GLIS3: variants seen among roughly 807,000 people sequenced by gnomAD.
The protein encoded by GLIS3 is zinc finger protein GLIS3.
In GLIS3, 53 loss-of-function variants were observed where a neutral mutation model predicts 78.6. The ratio of observed to expected loss-of-function variants is 0.67; its 90% CI spans 0.54 to 0.85. The LOEUF (loss-of-function observed/expected upper bound fraction) is 0.85. Ranked by LOEUF, GLIS3 falls within the 40% of genes least tolerant of loss-of-function variation. GLIS3 has a pLI of 0.00. For missense variants in GLIS3, 1,703 were observed against 1,231.1 expected (o/e 1.38, Z -5.74); for synonymous variants, 684 against 509.9 (o/e 1.34, Z -4.60).
chr9:4,429,283 C>G, the GLIS3 span, among the ~76,000 whole-genome samples: 2 of 152,164 alleles, frequency 1.3e-5, no homozygotes, highest in Non-Finnish European at 2.9e-5. Context: ...ACCTGCAATG[C>G]CATTTGGCCC....
chr9:3,988,812 G>A (rs1450085175), intron 4 of GLIS3, among the ~76,000 whole-genome samples: 1 of 151,848 alleles, frequency 6.6e-6, no homozygotes, highest in African/African-American at 2.4e-5. Context: ...ACAACTTTCA[G>A]GGAAAAAAAA....
intron 4 of GLIS3, among the ~76,000 whole-genome samples, chr9:4,049,892 A>G (rs867159219): frequency 8.6e-5 from 13 of 152,020 alleles, no homozygotes; most frequent in African/African-American, 3.1e-4. Flanking sequence ...TCAAAACCAC[A>G]ATGAGATACC....
chr9:4,487,847 C>G, the GLIS3 span, among the ~76,000 whole-genome samples: 1 of 152,038 alleles, frequency 6.6e-6, no homozygotes, highest in African/African-American at 2.4e-5. Flanking sequence ...GCCATCATGG[C>G]CAGATTATTA....
At chr9:3,976,072 C>G (rs966696751) in intron 4 of GLIS3, among the ~76,000 whole-genome samples, 2 of 152,138 alleles carry the variant, frequency 1.3e-5, no homozygotes, top group African/African-American at 2.4e-5. Flanking sequence ...TCAGGGAAAT[C>G]AGGCACATTT....
intron 2 of GLIS3, among the ~76,000 whole-genome samples, chr9:4,160,939 G>C (rs932322842): frequency 6.6e-6 from 1 of 152,194 alleles, no homozygotes; most frequent in East Asian, 1.9e-4. Context: ...TTTTATGAAA[G>C]TCAAATTTTA....
intron 2 of GLIS3, among the ~76,000 whole-genome samples, chr9:4,200,652 G>C (rs985914603): frequency 4.0e-5 from 6 of 151,760 alleles, no homozygotes; most frequent in African/African-American, 1.5e-4. Flanking sequence ...TTCCAAAATT[G>C]AATCAGAAAA....
chr9:3,916,600 C>T (rs752839668), intron 6 of GLIS3, among the ~76,000 whole-genome samples: 4 of 152,172 alleles, frequency 2.6e-5, no homozygotes, highest in African/African-American at 4.8e-5. Flanking sequence ...AAAATTGCAG[C>T]GCTGCATGGT....
At chr9:4,322,509 C>T (rs1009680705) in intron 2 of GLIS3, among the ~76,000 whole-genome samples, 1 of 152,142 alleles carries the variant, frequency 6.6e-6, no homozygotes, top group Non-Finnish European at 1.5e-5. Flanking sequence ...CTAGTTTACA[C>T]TCCCACCAAT....
In GLIS3 at chr9:4,176,114, C is replaced by CCCCT. The variant is rs566730903; in HGVS notation, c.389-50177_389-50174dup. Among the ~76,000 whole-genome samples, 20 of 152,252 alleles carry CCCCT rather than the reference C, an allele frequency of 1.3e-4. No individual in the cohort carries two copies. In the East Asian group the frequency reaches 2.3e-3, roughly 18 times the overall value. On this transcript the variant is annotated intron_variant, in intron 2 of 10. Transcript: ENST00000381971. ...CATGCAGTGAAAGGCAGGCTCTAGC[C>CCCCT]CCCTCCTCATTCCTGGATTCTATCA...
chr9:3,879,597 T>G lies in GLIS3; in HGVS notation c.2129-2A>C. 1 of 1,613,876 alleles carries G rather than the reference T, an allele frequency of 6.2e-7. No individual in the cohort carries two copies. Among genetic ancestry groups the G allele is most frequent in the Non-Finnish European group, 8.5e-7 (1 of 1,179,924 alleles). On this transcript the variant is annotated splice_acceptor_variant, in intron 7 of 10. Coordinates refer to ENST00000381971, the MANE Select transcript of GLIS3 (RefSeq NM_001042413.2). LOFTEE classifies it high-confidence loss of function. ...AATAATTGCTGGAGAAAATGGGAGC[T>G]GAAATCAAGGGAGAACAAACATGAG...
At chr9:4,194,983 G>C (rs1056612166) in intron 2 of GLIS3, among the ~76,000 whole-genome samples, 58 of 152,334 alleles carry the variant, frequency 3.8e-4, no homozygotes, top group Non-Finnish European at 8.8e-5. Flanking sequence ...AGGCATTTTA[G>C]TCTCAGCCCA....
At chr9:4,090,078 T>C (rs1482243274) in intron 4 of GLIS3, among the ~76,000 whole-genome samples, 2 of 152,140 alleles carry the variant, frequency 1.3e-5, no homozygotes, top group African/African-American at 4.8e-5. Flanking sequence ...GGGGGTATGA[T>C]TCCTATTCCC....
chr9:4,397,453 A>G, the GLIS3 span, among the ~76,000 whole-genome samples: 1 of 151,674 alleles, frequency 6.6e-6, no homozygotes, highest in African/African-American at 2.4e-5. Context: ...GTACAGTCAG[A>G]ATACTCAACA....
At chr9:4,063,915 T>C (rs886765498) in intron 4 of GLIS3, among the ~76,000 whole-genome samples, 2 of 152,162 alleles carry the variant, frequency 1.3e-5, no homozygotes, top group Admixed American at 1.3e-4. Flanking sequence ...CTGAAAAAAG[T>C]GAAATCATAA....
chr9:4,432,257 G>A, the GLIS3 span, among the ~76,000 whole-genome samples: 1 of 152,214 alleles, frequency 6.6e-6, no homozygotes, highest in Non-Finnish European at 1.5e-5. Context: ...ATTTTTAAAT[G>A]ATAAAGTACC....
intron 2 of GLIS3, among the ~76,000 whole-genome samples, chr9:4,322,995 G>C (rs12002820): frequency 0.068 from 10,368 of 152,178 alleles, 1,169 homozygotes; most frequent in African/African-American, 0.23. Flanking sequence ...CCATGCCTAT[G>C]TCCTGAATGG....
chr9:4,050,790 C>G (rs1245035088), intron 4 of GLIS3, among the ~76,000 whole-genome samples: 1 of 152,032 alleles, frequency 6.6e-6, no homozygotes, highest in South Asian at 2.1e-4. Flanking sequence ...AAGTCACTGG[C>G]ATCACTTTTA....
chr9:4,099,956 T>C (rs1480688075), intron 4 of GLIS3, among the ~76,000 whole-genome samples: 2 of 152,232 alleles, frequency 1.3e-5, no homozygotes, highest in African/African-American at 2.4e-5. Context: ...AATTCTCTCA[T>C]GTAATTTCTC....
the GLIS3 span, among the ~76,000 whole-genome samples, chr9:4,379,440 G>T: frequency 6.6e-6 from 1 of 152,218 alleles, no homozygotes; most frequent in Non-Finnish European, 1.5e-5. Flanking sequence ...AATGCCTCTG[G>T]ATTTTTCAGC....
Sources: allele counts gnomAD v4.1 joint callset (sites outside exome capture counted in the v4.1 genomes callset), GRCh38; gene constraint gnomAD v4.1.1; transcripts MANE v1.5; gene names NCBI Gene and HGNC (gene_info 2026-07-23, HGNC 2026-07-21).